Variants in CTNNA2 observed in about 807,000 individuals in gnomAD.
The protein encoded by CTNNA2 is catenin alpha-2.
Under a neutral mutation model 101.0 loss-of-function variants are expected in CTNNA2, and 42 were observed. The observed-to-expected ratio is 0.42, with a 90% CI of 0.32 to 0.54. The LOEUF (loss-of-function observed/expected upper bound fraction) is 0.54. CTNNA2 is among the 20% of genes least tolerant of loss of function. The pLI is 0.14. For missense variants in CTNNA2, 871 were observed against 1,223.1 expected (o/e 0.71, Z 4.29); for synonymous variants, 450 against 456.4 (o/e 0.99, Z 0.18).
chr2:80,252,761 T>C (rs757928505), intron 7 of CTNNA2, among the ~76,000 whole-genome samples: 18 of 152,130 alleles, frequency 1.2e-4, no homozygotes, highest in Non-Finnish European at 2.2e-4. Flanking sequence ...GATGTTATAA[T>C]AGAAGTTATG....
rs139660245 is a variant in CTNNA2 at position 79,382,265 on chromosome 2, G to T, written c.-135+8252G>T. The stretch of plus-strand genomic sequence containing the variant: ...TCTGGGTCTCAGGGTTTGAGGCTTG[G>T]ACTGGAACTACCCCCACTGGCTTTC... On this transcript the variant is annotated intron_variant, in intron 4 of 21. Coordinates refer to the CTNNA2 transcript ENST00000466387. Among the ~76,000 whole-genome samples the T allele has an allele frequency of 2.1e-3, 320 of 152,054 alleles. 1 individual carries two copies. Among genetic ancestry groups the T allele is most frequent in the African/African-American group, 7.4e-3 (305 of 41,470 alleles).
chr2:79,334,534 T>C (rs1052656108), intron 3 of CTNNA2, among the ~76,000 whole-genome samples: 1 of 151,468 alleles, frequency 6.6e-6, no homozygotes, highest in Admixed American at 6.6e-5. Context: ...TATACAAAAA[T>C]TACAGACAAA....
chr2:79,856,465 C>G (rs998952900), intron 3 of CTNNA2, among the ~76,000 whole-genome samples: 1 of 152,174 alleles, frequency 6.6e-6, no homozygotes, highest in Non-Finnish European at 1.5e-5. Flanking sequence ...GTAATCATTA[C>G]TACAAAAATT....
chr2:80,263,470 G>A, intron 7 of CTNNA2, among the ~76,000 whole-genome samples: 1 of 152,142 alleles, frequency 6.6e-6, no homozygotes, highest in East Asian at 1.9e-4. Flanking sequence ...GAGTAGATGG[G>A]ATTACAGGCA....
At chr2:80,041,964 TG>T (rs1696091376) in intron 7 of CTNNA2, among the ~76,000 whole-genome samples, 1 of 152,134 alleles carries the variant, frequency 6.6e-6, no homozygotes. Flanking sequence ...GTTTTTTTGT[TG>T]GTTTTGTTTT....
intron 9 of CTNNA2, among the ~76,000 whole-genome samples, chr2:80,490,716 A>AT (rs1329902865): frequency 6.6e-6 from 1 of 152,090 alleles, no homozygotes; most frequent in Non-Finnish European, 1.5e-5. Flanking sequence ...AAAAGTCATG[A>AT]TTTTTTTAAA....
chr2:79,934,617 G>A (rs576071061), intron 7 of CTNNA2, among the ~76,000 whole-genome samples: 7 of 152,306 alleles, frequency 4.6e-5, no homozygotes, highest in Non-Finnish European at 1.0e-4. Context: ...CAAGTAGGGA[G>A]GGTATGTGGC....
intron 8 of CTNNA2, among the ~76,000 whole-genome samples, chr2:80,395,756 T>C (rs1677954487): frequency 6.6e-6 from 1 of 152,198 alleles, no homozygotes; most frequent in Admixed American, 6.5e-5. Context: ...TACAGATAAA[T>C]GTATGCTAGA....
chr2:79,403,092 G>GC (rs1387494972), intron 4 of CTNNA2, among the ~76,000 whole-genome samples: 1 of 151,602 alleles, frequency 6.6e-6, no homozygotes, highest in Non-Finnish European at 1.5e-5. Flanking sequence ...AAAGAAATCA[G>GC]AAGTAAAGAT....
chr2:80,119,432 G>A (rs1335037589), intron 7 of CTNNA2, among the ~76,000 whole-genome samples: 3 of 152,106 alleles, frequency 2.0e-5, no homozygotes, highest in Non-Finnish European at 2.9e-5. Context: ...AATATGCAAG[G>A]ACTAGATAAT....
chr2:79,522,743 C>T (rs1260781082), intron 1 of CTNNA2, among the ~76,000 whole-genome samples: 2 of 152,122 alleles, frequency 1.3e-5, no homozygotes, highest in Non-Finnish European at 1.5e-5. Flanking sequence ...CTGATAACTA[C>T]TCGGTAGGTA....
chr2:79,202,531 G>A (rs1052418586), intron 2 of CTNNA2, among the ~76,000 whole-genome samples: 6 of 152,016 alleles, frequency 3.9e-5, no homozygotes, highest in Non-Finnish European at 7.4e-5. Flanking sequence ...TTGCGTGAAT[G>A]CACCATATCA....
rs539702358 is a variant in CTNNA2, at chr2:79,982,303, T to A, written c.1056+72506T>A. 4.6e-3 allele frequency among the ~76,000 whole-genome samples: 625 copies of A among 134,420 alleles called. 4 individuals carry two copies. Among genetic ancestry groups the A allele is most frequent in the Non-Finnish European group, 7.5e-3 (492 of 65,932 alleles). The allele number at this position is 134,420 out of a possible 152,430, so 88.2% of individuals were successfully genotyped here. On this transcript the variant is annotated intron_variant, in intron 7 of 18. Coordinates refer to ENST00000402739, the MANE Select transcript of CTNNA2 (RefSeq NM_001282597.3). ...ATATATATAACATATATAACATATA[T>A]AAAACATATATAACATATATAACAC...
intron 1 of CTNNA2, among the ~76,000 whole-genome samples, chr2:79,577,089 G>C (rs945849436): frequency 6.6e-6 from 1 of 151,998 alleles, no homozygotes; most frequent in Non-Finnish European, 1.5e-5. Context: ...TTTCATGTGA[G>C]AACCATAGTT....
Position 79,927,721 on chromosome 2 carries a change from C to A in CTNNA2, c.1056+17924C>A, listed in dbSNP as rs111993099. Among the ~76,000 whole-genome samples, 4 of 152,228 alleles carry A rather than the reference C, an allele frequency of 2.6e-5. No individual in the cohort carries two copies. In the East Asian group the frequency reaches 7.7e-4, roughly 29 times the overall value. On this transcript the variant is annotated intron_variant, in intron 7 of 18. Transcript: ENST00000402739. ...ATTAGGTTTTGATCATATAATGTTA[C>A]TCTGTAAATATTTGTCTTCACCTGT...
intron 2 of CTNNA2, among the ~76,000 whole-genome samples, chr2:79,283,877 C>A (rs1675475820): frequency 9.9e-6 from 1 of 100,846 alleles, no homozygotes; most frequent in African/African-American, 3.7e-5. Flanking sequence ...GATATTGATT[C>A]TTCCTACCCA....
intron 7 of CTNNA2, among the ~76,000 whole-genome samples, chr2:80,089,293 C>T (rs1233703529): frequency 6.6e-6 from 1 of 151,964 alleles, no homozygotes; most frequent in Non-Finnish European, 1.5e-5. Context: ...ACGCTAAAGA[C>T]AATCTATATT....
At position 80,540,458 on chromosome 2, in the gene CTNNA2, G is replaced by A. The variant is rs558154557; in HGVS notation, c.1291-4524G>A. On this transcript the variant is annotated intron_variant, in intron 9 of 18. Coordinates refer to ENST00000402739, the MANE Select transcript of CTNNA2 (RefSeq NM_001282597.3). ...CTAAAAATACAAAAATTAGCCAGGC[G>A]TAGTGTTGGGTGCCTGTAACCCCAG... is the stretch of plus-strand genomic sequence containing the variant. Among the ~76,000 whole-genome samples the A allele has an allele frequency of 6.6e-5, 10 of 152,062 alleles. No homozygotes were observed. The East Asian group carries it at 7.8e-4, about 12-fold the overall frequency.
rs186850795 is a variant in CTNNA2, at chr2:79,411,409, A to G, written c.-135+37396A>G. Reference sequence around the variant, plus strand: ...TGTGATGTTAGGGTGTCAATTTTGGATCTTTCCTGCTTTCTGTTGTGGGCA... The same window carrying G: ...TGTGATGTTAGGGTGTCAATTTTGGGTCTTTCCTGCTTTCTGTTGTGGGCA... On this transcript the variant is annotated intron_variant, in intron 4 of 21. Coordinates refer to the CTNNA2 transcript ENST00000466387. Among the ~76,000 whole-genome samples the G allele has an allele frequency of 2.6e-5, 4 of 152,032 alleles. No individual in the cohort carries two copies. The East Asian group carries it at 7.8e-4, about 30-fold the overall frequency.
Sources: gnomAD v4.1 joint callset for allele counts (sites outside exome capture counted in the v4.1 genomes callset) on GRCh38, gnomAD v4.1.1 for gene constraint, MANE v1.5 for transcripts, NCBI Gene and HGNC (gene_info 2026-07-23, HGNC 2026-07-21) for gene names.